GPC5: variants seen among roughly 807,000 people sequenced by gnomAD.
GPC5 encodes the protein glypican-5.
Under a neutral mutation model 53.9 loss-of-function variants are expected in GPC5, and 47 were observed. The observed-to-expected ratio is 0.87, with a 90% CI of 0.69 to 1.11. GPC5 has a LOEUF of 1.11. Ranked by LOEUF, GPC5 falls within the 50% of genes most tolerant of loss-of-function variation. GPC5 has a pLI of 0.00. For missense variants in GPC5, 748 were observed against 713.1 expected (o/e 1.05, Z -0.56); for synonymous variants, 286 against 263.3 (o/e 1.09, Z -0.84).
chr13:92,221,048 T>C (rs913740090), intron 7 of GPC5, among the ~76,000 whole-genome samples: 4 of 152,130 alleles, frequency 2.6e-5, no homozygotes, highest in African/African-American at 9.7e-5. Context: ...CCTGTCTGGA[T>C]AGAAAACACC....
At chr13:91,897,962 T>G (rs2039460709) in intron 5 of GPC5, among the ~76,000 whole-genome samples, 1 of 152,144 alleles carries the variant, frequency 6.6e-6, no homozygotes, top group Non-Finnish European at 1.5e-5. Context: ...GAAAATATAT[T>G]CTCTATGAGG....
chr13:92,439,678 A>T (rs1319039832), intron 7 of GPC5, among the ~76,000 whole-genome samples: 9 of 152,194 alleles, frequency 5.9e-5, no homozygotes. Context: ...AGAACATAAA[A>T]ATCTGTGTTC....
chr13:92,574,093 C>T (rs1238646725), intron 7 of GPC5, among the ~76,000 whole-genome samples: 2 of 152,130 alleles, frequency 1.3e-5, no homozygotes, highest in Non-Finnish European at 2.9e-5. Flanking sequence ...TCCACTGCAC[C>T]TTGTAGTTAT....
chr13:91,876,937 G>A lies in GPC5; in HGVS notation c.1281-31000G>A, dbSNP rs117913890. On this transcript the variant is annotated intron_variant, in intron 5 of 7. Coordinates refer to ENST00000377067, the MANE Select transcript of GPC5 (RefSeq NM_004466.6). ...ATGCAGCCTAAGGACTTGGTGCCCT[G>A]TGTCTCAGCCACTCCAGCCATGGTT... Among the ~76,000 whole-genome samples the A allele has an allele frequency of 3.4e-3, 523 of 152,296 alleles. 8 individuals carry two copies. Among genetic ancestry groups the A allele is most frequent in the East Asian group, 0.028 (147 of 5,164 alleles).
chr13:92,499,460 AT>A (rs764187561), intron 7 of GPC5, among the ~76,000 whole-genome samples: 4 of 152,176 alleles, frequency 2.6e-5, no homozygotes. Flanking sequence ...GAATCAGTTG[AT>A]TATTATTGAA....
At chr13:92,806,438 T>C (rs1309955379) in intron 7 of GPC5, among the ~76,000 whole-genome samples, 1 of 152,078 alleles carries the variant, frequency 6.6e-6, no homozygotes, top group East Asian at 1.9e-4. Flanking sequence ...ACTTTCAATT[T>C]CCTTCAAGGA....
At chr13:92,745,645 A>C (rs1889223463) in intron 7 of GPC5, among the ~76,000 whole-genome samples, 1 of 152,096 alleles carries the variant, frequency 6.6e-6, no homozygotes, top group South Asian at 2.1e-4. Context: ...GCTTACCACT[A>C]TTATTCACTT....
At chr13:91,407,777 C>T (rs1034714483) in intron 1 of GPC5, among the ~76,000 whole-genome samples, 1 of 152,106 alleles carries the variant, frequency 6.6e-6, no homozygotes, top group African/African-American at 2.4e-5. Flanking sequence ...CCAGAGGGAC[C>T]ACAGTTTTCA....
chr13:92,265,380 C>T (rs757114017), intron 7 of GPC5, among the ~76,000 whole-genome samples: 1 of 152,094 alleles, frequency 6.6e-6, no homozygotes, highest in Non-Finnish European at 1.5e-5. Context: ...CTCTTAAATT[C>T]TGCCTTTCAT....
intron 7 of GPC5, among the ~76,000 whole-genome samples, chr13:92,381,881 T>G (rs1453875037): frequency 0.017 from 693 of 39,664 alleles, 32 homozygotes; most frequent in African/African-American, 0.054. Flanking sequence ...TATATATGAT[T>G]ATATATATTA....
chr13:91,672,404 C>T (rs915818079), intron 2 of GPC5, among the ~76,000 whole-genome samples: 1 of 151,980 alleles, frequency 6.6e-6, no homozygotes, highest in African/African-American at 2.4e-5. Flanking sequence ...AGAAAGCAAC[C>T]CCATCAAAAA....
chr13:91,809,390 C>T (rs1269800178), intron 5 of GPC5, among the ~76,000 whole-genome samples: 1 of 152,120 alleles, frequency 6.6e-6, no homozygotes, highest in Non-Finnish European at 1.5e-5. Context: ...TTTTTTCTGA[C>T]ACTAAGTTTG....
intron 7 of GPC5, among the ~76,000 whole-genome samples, chr13:92,415,772 T>G (rs921257330): frequency 3.9e-5 from 6 of 152,042 alleles, no homozygotes; most frequent in African/African-American, 1.4e-4. Context: ...CCTATCTAGG[T>G]GCATGGCCTG....
At chr13:91,986,137 C>G (rs2040405716) in intron 6 of GPC5, among the ~76,000 whole-genome samples, 1 of 127,108 alleles carries the variant, frequency 7.9e-6, no homozygotes, top group African/African-American at 3.1e-5. Context: ...GAGATCTGGG[C>G]TTACTGCAAG....
intron 2 of GPC5, among the ~76,000 whole-genome samples, chr13:91,677,368 A>G (rs972389333): frequency 6.6e-6 from 1 of 152,228 alleles, no homozygotes; most frequent in African/African-American, 2.4e-5. Flanking sequence ...TGAAAAAGAA[A>G]TAGATTTTAA....
chr13:91,864,661 C>A (rs2039065078), intron 5 of GPC5, among the ~76,000 whole-genome samples: 1 of 152,034 alleles, frequency 6.6e-6, no homozygotes, highest in Non-Finnish European at 1.5e-5. Context: ...ACCACTACAA[C>A]ATTAAAAGAA....
In GPC5 at chr13:91,887,230, G is replaced by A. The variant is rs572361434; in HGVS notation, c.1281-20707G>A. Among the ~76,000 whole-genome samples the A allele has an allele frequency of 3.3e-5, 5 of 152,278 alleles. No individual in the cohort carries two copies. In the East Asian group the frequency reaches 5.8e-4, roughly 18 times the overall value. On this transcript the variant is annotated intron_variant, in intron 5 of 7. Coordinates refer to ENST00000377067, the MANE Select transcript of GPC5 (RefSeq NM_004466.6). The stretch of plus-strand genomic sequence containing the variant: ...TGAGGCTTTCAACCTCCAAAGACAT[G>A]GTTTGAGCTGTACCCTGGTGTCTCC...
chr13:92,611,945 G>A (rs145083484), intron 7 of GPC5, among the ~76,000 whole-genome samples: 1,634 of 152,118 alleles, frequency 0.011, 18 homozygotes, highest in Non-Finnish European at 0.015. Context: ...AAAATTGCAT[G>A]GTAGGCTTAT....
intron 7 of GPC5, among the ~76,000 whole-genome samples, chr13:92,850,019 C>A (rs1342180746): frequency 1.2e-4 from 18 of 152,112 alleles, no homozygotes; most frequent in Admixed American, 1.2e-3. Context: ...TGGCAAGACC[C>A]CGGAAATGTT....
Sources: allele counts gnomAD v4.1 joint callset (sites outside exome capture counted in the v4.1 genomes callset), GRCh38; gene constraint gnomAD v4.1.1; transcripts MANE v1.5; gene names NCBI Gene and HGNC (gene_info 2026-07-23, HGNC 2026-07-21).